SPATA2L: variants seen among roughly 807,000 people sequenced by gnomAD.
SPATA2L encodes the protein spermatogenesis-associated protein 2-like protein.
SPATA2L carries 5 observed loss-of-function variants against 8.7 expected under a neutral mutation model. The ratio of observed to expected loss-of-function variants is 0.57; its 90% CI spans 0.30 to 1.21. The LOEUF is 1.21. Ranked by LOEUF, SPATA2L falls within the 50% of genes most tolerant of loss-of-function variation. SPATA2L has a pLI of 0.07. For missense variants in SPATA2L, 671 were observed against 591.0 expected, an observed-to-expected ratio of 1.14 and a Z score of -1.40; for synonymous variants, 358 against 275.8, an observed-to-expected ratio of 1.30 and a Z score of -2.95.
intron 2 of SPATA2L, among the ~76,000 whole-genome samples, chr16:89,699,740 C>T (rs417414): frequency 1.3e-5 from 2 of 152,090 alleles, no homozygotes; most frequent in African/African-American, 2.4e-5. Context: ...TTAATAGAGA[C>T]GGGGTTTCAC....
rs752290654 is a variant in SPATA2L at position 89,701,181 on chromosome 16, G to A, written c.52C>T (p.Leu18=). ...EDYRQCLERE[L]RRGRAGVCGD... is the part of the protein sequence containing the mutation. The stretch of plus-strand genomic sequence containing the variant: ...CACACGCCCGCGCGGCCCCGTCGCA[G>A]CTCGCGCTCCAGGCACTGGCGGTAG... Residue 18 remains leucine (L), a synonymous_variant, in exon 2 of 3, where the codon CTG becomes TTG. Coordinates refer to ENST00000289805, the MANE Select transcript of SPATA2L (RefSeq NM_152339.4). 3 of 1,486,200 alleles carry A rather than the reference G, an allele frequency of 2.0e-6. No homozygotes were observed. The East Asian group carries it at 8.1e-5, about 40-fold the overall frequency. The allele number at this position is 1,486,200 out of a possible 1,614,324, so 92.1% of individuals were successfully genotyped here.
chr16:89,698,851 G>C (rs185065691), intron 2 of SPATA2L, among the ~76,000 whole-genome samples: 5 of 148,582 alleles, frequency 3.4e-5, no homozygotes, highest in Admixed American at 6.8e-5. Context: ...ACAGTGGCAC[G>C]ATCTCGGCTC....
rs2151612084 is a variant in SPATA2L, at chr16:89,700,913, C to T, written c.303+17G>A. ...AGGCCAGGACGAGGGGCGCGCTCCTCCTGGCCTGGCGCCTACCTTGATGGT... is the reference window on the plus strand; with the variant it reads ...AGGCCAGGACGAGGGGCGCGCTCCTTCTGGCCTGGCGCCTACCTTGATGGT... On this transcript the variant is annotated intron_variant, in intron 2 of 2. Transcript: ENST00000289805. 1 of 1,432,366 alleles carries T rather than the reference C, an allele frequency of 7.0e-7. No homozygotes were observed. The highest frequency in any genetic ancestry group is 9.2e-7 in the Non-Finnish European group (1 of 1,089,074). The allele number at this position is 1,432,366 out of a possible 1,614,324, so 88.7% of individuals were successfully genotyped here.
chr16:89,699,468 G>C (rs2060760872), intron 2 of SPATA2L, among the ~76,000 whole-genome samples: 1 of 152,186 alleles, frequency 6.6e-6, no homozygotes, highest in Admixed American at 6.5e-5. Context: ...TTCCACCATG[G>C]GGGTGACACG....
chr16:89,696,630 G>A lies in SPATA2L; in HGVS notation c.*704C>T, dbSNP rs1184233978. The A allele has an allele frequency of 3.3e-5, 23 of 697,118 alleles. No individual in the cohort carries two copies. The highest frequency in any genetic ancestry group is 1.9e-4 in the South Asian group (9 of 47,140). The allele number at this position is 697,118 out of a possible 1,614,324, so 43.2% of individuals were successfully genotyped here. A position where few individuals can be genotyped will look rare whatever the true frequency, so the allele number is the denominator to read the frequency against. On this transcript the variant is annotated 3_prime_UTR_variant, in exon 3 of 3. Transcript: ENST00000289805. ...CCACTGGACCCACCAAGACCCCGCCGCCTGGGCGGGCTGTCCACAGGCCCT... is the reference window on the plus strand; with the variant it reads ...CCACTGGACCCACCAAGACCCCGCCACCTGGGCGGGCTGTCCACAGGCCCT...
intron 2 of SPATA2L, among the ~76,000 whole-genome samples, chr16:89,699,295 C>T (rs545533802): frequency 1.5e-3 from 232 of 152,284 alleles, no homozygotes; most frequent in Admixed American, 3.0e-3. Context: ...GTTTGCTCCT[C>T]GTATGAGGTA....
chr16:89,698,395 C>A (rs2060752259), intron 2 of SPATA2L, 90 bp from the exon 3 acceptor site: 1 of 1,430,340 alleles, frequency 7.0e-7, no homozygotes, highest in Non-Finnish European at 9.3e-7. Context: ...TGGCTCAGGC[C>A]TTGGCAGCTT....
chr16:89,699,403 C>T (rs1450627405), intron 2 of SPATA2L, among the ~76,000 whole-genome samples: 3 of 152,196 alleles, frequency 2.0e-5, no homozygotes, highest in Admixed American at 2.0e-4. Flanking sequence ...TTTTCCACTA[C>T]AGTCTTGCAG....
At chr16:89,698,667 A>C (rs1451933739) in intron 2 of SPATA2L, among the ~76,000 whole-genome samples, 1 of 151,224 alleles carries the variant, frequency 6.6e-6, no homozygotes, top group Admixed American at 6.6e-5. Flanking sequence ...TCATATTTTT[A>C]GTAGAGACAG....
intron 2 of SPATA2L, 71 bp downstream of exon 2, chr16:89,700,859 C>T: frequency 1.5e-6 from 2 of 1,376,648 alleles, no homozygotes; most frequent in African/African-American, 1.5e-5. Flanking sequence ...AAGGCGTGGT[C>T]CCCCATGGTC....
Position 89,696,547 on chromosome 16 carries a change from ACCT to A in SPATA2L, c.*784_*786del, listed in dbSNP as rs2060724247. 1 of 449,738 alleles carries A rather than the reference ACCT, an allele frequency of 2.2e-6. No homozygotes were observed. The highest frequency in any genetic ancestry group is 4.0e-6 in the Non-Finnish European group (1 of 252,204). 27.9% of individuals were successfully genotyped at this position (449,738 alleles called of 1,614,324 possible). ...CCAGACCCGAGGGTAGGGCAGAGGC[ACCT>A]CCTCGCCAGCCTGTGGGCTGCACCC... On this transcript the variant is annotated 3_prime_UTR_variant, in exon 3 of 3. Coordinates refer to ENST00000289805, the MANE Select transcript of SPATA2L (RefSeq NM_152339.4).
At chr16:89,699,082 G>A (rs1409780053) in intron 2 of SPATA2L, among the ~76,000 whole-genome samples, 30 of 152,014 alleles carry the variant, frequency 2.0e-4, no homozygotes, top group Admixed American at 2.0e-3. Flanking sequence ...CACCGCACCT[G>A]GCCGAATTTC....
chr16:89,700,501 G>A lies in SPATA2L; in HGVS notation c.303+429C>T, dbSNP rs773515509. ...TCACTAGGTCTGAGCCCAGCCCTGA[G>A]ACTTCACAGGGATGCACCCATCTGC... On this transcript the variant is annotated intron_variant, in intron 2 of 2. Coordinates refer to ENST00000289805, the MANE Select transcript of SPATA2L (RefSeq NM_152339.4). Among the ~76,000 whole-genome samples, 13 of 152,362 alleles carry A rather than the reference G, an allele frequency of 8.5e-5. 1 individual carries two copies. In the Middle Eastern group the frequency reaches 0.02, roughly 239 times the overall value.
rs1344477316 is a variant in SPATA2L at position 89,697,873 on chromosome 16, G to A, written c.736C>T (p.Pro246Ser). 6.2e-7 allele frequency: 1 copy of A among 1,611,660 alleles called. No homozygotes were observed. The highest frequency in any genetic ancestry group is 1.1e-5 in the South Asian group (1 of 90,964). ...GGGGGCGAGTCAGGGCCTGGTGACG[G>A]CTCCCCATACAGGCTGGCGTCCTCC... ...GSEDASLYGEPSPGPDSPPAE... is the reference protein window; with the variant it reads ...GSEDASLYGESSPGPDSPPAE... The change falls in exon 3 of 3, where the codon CCG (proline) becomes TCG (serine). Residue 246 changes from proline (P) to serine (S), a missense_variant. Pro to Ser is a moderately conservative substitution (Grantham distance 74, BLOSUM62 -1). Coordinates refer to ENST00000289805, the MANE Select transcript of SPATA2L (RefSeq NM_152339.4).
chr16:89,697,772 C>G lies in SPATA2L; in HGVS notation c.837G>C (p.Glu279Asp), dbSNP rs773422872. ...CCTGCGGCAGCTCCTCAGCTGGGGG[C>G]TCCCAGGCCCGGCCCCCAGTGCCCC... ...KLWGTGGRAW[E>D]PPAEELPQAS... The change falls in exon 3 of 3, where the codon GAG (glutamate) becomes GAC (aspartate). Residue 279 changes from glutamate to aspartate, a missense_variant. Physicochemically the swap from Glu to Asp is conservative, Grantham distance 45. Transcript: ENST00000289805. 2 of 1,600,566 alleles carry G rather than the reference C, an allele frequency of 1.2e-6. No homozygotes were observed. The highest frequency in any genetic ancestry group is 2.7e-5 in the African/African-American group (2 of 74,600).
At position 89,697,614 on chromosome 16, in the gene SPATA2L, C is replaced by T. The variant is rs747971704; in HGVS notation, c.995G>A (p.Ser332Asn). 3.1e-6 allele frequency: 5 copies of T among 1,604,526 alleles called. No homozygotes were observed. In the South Asian group the frequency reaches 4.4e-5, roughly 14 times the overall value. ...LATPESSAAA[S>N]PRRIRAEGVP... ...CCCCTCTGCCCGAATACGCCTCGGG[C>T]TGGCCGCTGCAGAGCTTTCAGGGGT... Residue 332 changes from serine to asparagine, a missense_variant, in exon 3 of 3, where the codon AGC becomes AAC. Physicochemically the swap from Ser to Asn is conservative, Grantham distance 46 (BLOSUM62 1). Coordinates refer to ENST00000289805, the MANE Select transcript of SPATA2L (RefSeq NM_152339.4).
Position 89,696,951 on chromosome 16 carries a change from G to C in SPATA2L, c.*383C>G, listed in dbSNP as rs3803690. ...CCTGGGACACGTGGAGGACCCCCAA[G>C]TCCTGAGCCCCGTACTCCGTACTGC... On this transcript the variant is annotated 3_prime_UTR_variant, in exon 3 of 3. Transcript: ENST00000289805. 620,938 of 1,502,332 alleles carry C rather than the reference G, an allele frequency of 0.41. 132,279 individuals carry two copies. The highest frequency in any genetic ancestry group is 0.61 in the African/African-American group (43,971 of 72,630). The allele number at this position is 1,502,332 out of a possible 1,614,324, so 93.1% of individuals were successfully genotyped here.
At chr16:89,699,458 T>G (rs1324398704) in intron 2 of SPATA2L, among the ~76,000 whole-genome samples, 1 of 152,172 alleles carries the variant, frequency 6.6e-6, no homozygotes, top group Non-Finnish European at 1.5e-5. Context: ...CTGTGTAGTA[T>G]TCCACCATGG....
At chr16:89,701,300 G>A (rs1401221014) in intron 1 of SPATA2L, 67 bp from the exon 2 acceptor site, 3 of 1,340,976 alleles carry the variant, frequency 2.2e-6, no homozygotes, top group African/African-American at 1.5e-5. Context: ...CGCTCTCCCC[G>A]AACCCTCACC....
Sources: allele counts gnomAD v4.1 joint callset (sites outside exome capture counted in the v4.1 genomes callset), GRCh38; gene constraint gnomAD v4.1.1; transcripts MANE v1.5; gene names NCBI Gene and HGNC (gene_info 2026-07-23, HGNC 2026-07-21).